The following AATF variants were observed in gnomAD, a reference collection of about 807,000 sequenced individuals.
AATF encodes the protein protein AATF.
A neutral mutation model predicts 63.7 loss-of-function variants in AATF; 48 were observed. That is an observed-to-expected ratio of 0.75 (90% CI 0.60 to 0.96). The LOEUF (loss-of-function observed/expected upper bound fraction) is 0.96. AATF is among the 40% of genes least tolerant of loss of function. AATF has a pLI of 0.00. For missense variants in AATF, 639 were observed against 685.7 expected, an observed-to-expected ratio of 0.93 and a Z score of 0.76; for synonymous variants, 258 against 247.7, an observed-to-expected ratio of 1.04 and a Z score of -0.39.
At chr17:37,002,085 C>A (rs940885194) in intron 8 of AATF, among the ~76,000 whole-genome samples, 2 of 151,618 alleles carry the variant, frequency 1.3e-5, no homozygotes. Context: ...GCCTGTAATC[C>A]CAGCCACTCG....
At position 36,960,100 on chromosome 17, in the gene AATF, G is replaced by A. The variant is rs1205605342; in HGVS notation, c.832+6193G>A. 4.0e-5 allele frequency among the ~76,000 whole-genome samples: 6 copies of A among 151,826 alleles called. No homozygotes were observed. In the East Asian group the frequency reaches 1.2e-3, roughly 29 times the overall value. On this transcript the variant is annotated intron_variant, in intron 4 of 11. Coordinates refer to ENST00000619387, the MANE Select transcript of AATF (RefSeq NM_012138.4). ...GCGACCTTGGCTCACTGCAACCTCT[G>A]CCTCCCGGGTTTAAGTGATTCTCCT... is the stretch of plus-strand genomic sequence containing the variant.
At chr17:36,972,623 GT>G (rs988760323) in intron 4 of AATF, among the ~76,000 whole-genome samples, 14 of 150,774 alleles carry the variant, frequency 9.3e-5, no homozygotes, top group African/African-American at 2.2e-4. Flanking sequence ...TATAGAAAGT[GT>G]TTTTTTCCCC....
chr17:36,975,070 T>A (rs1206498303), intron 4 of AATF, among the ~76,000 whole-genome samples: 1 of 152,198 alleles, frequency 6.6e-6, no homozygotes, highest in Non-Finnish European at 1.5e-5. Flanking sequence ...CTTAGTGAAA[T>A]ATGTAACGTA....
intron 11 of AATF, among the ~76,000 whole-genome samples, chr17:37,046,978 A>G (rs1031069564): frequency 6.6e-6 from 1 of 152,202 alleles, no homozygotes; most frequent in Admixed American, 6.5e-5. Flanking sequence ...ACAAAACCGT[A>G]AACACAACAC....
At chr17:37,014,324 T>G (rs1045766137) in intron 8 of AATF, among the ~76,000 whole-genome samples, 2 of 150,210 alleles carry the variant, frequency 1.3e-5, no homozygotes, top group African/African-American at 5.0e-5. Context: ...GGAATTTGAG[T>G]CTGGAAGTCA....
chr17:37,051,407 A>C (rs143750050), intron 11 of AATF, among the ~76,000 whole-genome samples: 1 of 152,286 alleles, frequency 6.6e-6, no homozygotes, highest in African/African-American at 2.4e-5. Flanking sequence ...TGCAGGTTTA[A>C]TATGCTCCTT....
intron 8 of AATF, among the ~76,000 whole-genome samples, chr17:37,013,164 T>G (rs1200497218): frequency 6.6e-6 from 1 of 152,192 alleles, no homozygotes; most frequent in Non-Finnish European, 1.5e-5. Context: ...GCAAAGGGTC[T>G]GAATAGACAT....
chr17:37,012,182 T>A (rs2071397175), intron 8 of AATF, among the ~76,000 whole-genome samples: 2 of 152,122 alleles, frequency 1.3e-5, no homozygotes, highest in South Asian at 2.1e-4. Flanking sequence ...GCCACCCTAG[T>A]AGCTGGGATT....
intron 8 of AATF, among the ~76,000 whole-genome samples, chr17:37,017,167 G>A (rs17620949): frequency 0.12 from 17,979 of 152,148 alleles, 1,322 homozygotes; most frequent in Non-Finnish European, 0.16. Context: ...CTTGCACCCC[G>A]GTGACCCTGA....
chr17:37,025,696 C>T (rs2071505906), intron 10 of AATF, among the ~76,000 whole-genome samples: 1 of 152,164 alleles, frequency 6.6e-6, no homozygotes, highest in Non-Finnish European at 1.5e-5. Context: ...TGAAAGGCCT[C>T]TAGAATTTCT....
At chr17:36,968,159 C>T (rs1400197802) in intron 4 of AATF, among the ~76,000 whole-genome samples, 1 of 149,898 alleles carries the variant, frequency 6.7e-6, no homozygotes, top group Non-Finnish European at 1.5e-5. Flanking sequence ...TTTTTCATCC[C>T]TCCCTCTCTC....
intron 8 of AATF, among the ~76,000 whole-genome samples, chr17:37,014,735 C>T (rs1165893155): frequency 6.6e-6 from 1 of 152,144 alleles, no homozygotes; most frequent in African/African-American, 2.4e-5. Context: ...AACATTTTCT[C>T]CCAGCCTTTG....
chr17:37,022,777 A>G (rs2071482499), intron 10 of AATF, among the ~76,000 whole-genome samples: 1 of 152,192 alleles, frequency 6.6e-6, no homozygotes, highest in African/African-American at 2.4e-5. Context: ...GGCTCTTAGA[A>G]TAGTGCCAGG....
At chr17:36,951,412 C>T (rs551459164) in intron 2 of AATF, among the ~76,000 whole-genome samples, 3 of 151,988 alleles carry the variant, frequency 2.0e-5, no homozygotes, top group South Asian at 4.2e-4. Context: ...AATTTAAGTT[C>T]TAAGAGCCTG....
At chr17:37,008,736 G>A (rs938939473) in intron 8 of AATF, among the ~76,000 whole-genome samples, 2 of 152,158 alleles carry the variant, frequency 1.3e-5, no homozygotes, top group African/African-American at 4.8e-5. Context: ...ATGCATGCCT[G>A]TAGTCCCAGC....
Position 36,949,296 on chromosome 17 carries a change from T to C in AATF, c.91+80T>C. On this transcript the variant is annotated intron_variant, in intron 1 of 11. Transcript: ENST00000619387. ...GCAAGGGGGCGGCGTGGGAGGGGCG[T>C]GCGCGAGGCCGCCGGGCCTGCGCTC... The C allele has an allele frequency of 2.2e-6, 3 of 1,356,730 alleles. No individual in the cohort carries two copies. In the East Asian group the frequency reaches 8.3e-5, roughly 37 times the overall value. The allele number at this position is 1,356,730 out of a possible 1,614,324, so 84.0% of individuals were successfully genotyped here.
intron 8 of AATF, among the ~76,000 whole-genome samples, chr17:36,994,930 C>T (rs990941691): frequency 2.0e-5 from 3 of 152,176 alleles, no homozygotes; most frequent in African/African-American, 7.2e-5. Flanking sequence ...ACAAGATCCT[C>T]GTATTGTGAT....
intron 8 of AATF, among the ~76,000 whole-genome samples, chr17:37,005,618 A>G (rs2071335778): frequency 6.6e-6 from 1 of 152,208 alleles, no homozygotes; most frequent in African/African-American, 2.4e-5. Context: ...CAAATGACAT[A>G]TAGTAAAAGA....
intron 8 of AATF, among the ~76,000 whole-genome samples, chr17:37,011,495 T>G (rs2071390659): frequency 6.6e-6 from 1 of 152,148 alleles, no homozygotes; most frequent in African/African-American, 2.4e-5. Flanking sequence ...GTTGAGATAT[T>G]GGGTGTAAGG....
Sources: gnomAD v4.1 joint callset for allele counts (sites outside exome capture counted in the v4.1 genomes callset) on GRCh38, gnomAD v4.1.1 for gene constraint, MANE v1.5 for transcripts, NCBI Gene and HGNC (gene_info 2026-07-23, HGNC 2026-07-21) for gene names.